Variants in APOL5 observed in about 807,000 individuals in gnomAD.
APOL5 encodes the protein apolipoprotein L, 5.
A neutral mutation model predicts 35.5 loss-of-function variants in APOL5; 29 were observed. The ratio of observed to expected loss-of-function variants is 0.82; its 90% CI spans 0.61 to 1.11. The LOEUF (loss-of-function observed/expected upper bound fraction) is 1.11, where lower values mean the gene tolerates loss of function less well. APOL5 is among the 50% of genes most tolerant of loss of function. The pLI, the probability that APOL5 is intolerant of heterozygous loss-of-function variation, is 0.00. For synonymous variants in APOL5, 188 were observed against 200.2 expected (o/e 0.94, Z 0.51); for missense variants, 514 against 530.4 (o/e 0.97, Z 0.30).
chr22:35,714,705 A>G (rs1421580880), upstream of APOL5, among the ~76,000 whole-genome samples: 1 of 152,196 alleles, frequency 6.6e-6, no homozygotes, highest in Non-Finnish European at 1.5e-5. Flanking sequence ...AGGGTGTCCG[A>G]CTGAGAAGAG....
intron 1 of APOL5, 132 bp from the exon 2 acceptor site, chr22:35,720,436 T>G (rs1196226913): frequency 5.9e-6 from 4 of 672,272 alleles, no homozygotes; most frequent in African/African-American, 3.8e-5. Context: ...CATTAAGATT[T>G]TTGTTGTATT....
At chr22:35,717,858 A>C (rs780271766), upstream of APOL5, 1 of 1,554,024 alleles carries the variant, frequency 6.4e-7, no homozygotes, top group East Asian at 2.3e-5. Context: ...CTTAAATTTT[A>C]AAAAATCTAA....
At chr22:35,723,006 T>G (rs1029761707) in intron 2 of APOL5, among the ~76,000 whole-genome samples, 14 of 152,228 alleles carry the variant, frequency 9.2e-5, no homozygotes, top group African/African-American at 3.4e-4. Context: ...AGTCTTTTCT[T>G]AAAAGAGTGA....
the APOL5 span, among the ~76,000 whole-genome samples, chr22:35,711,135 C>T: frequency 1.3e-5 from 2 of 152,286 alleles, no homozygotes; most frequent in Admixed American, 6.5e-5. Flanking sequence ...ACGCCATTGG[C>T]ACTCCAGCCT....
chr22:35,727,164 G>A lies in APOL5; in HGVS notation c.1096G>A (p.Val366Ile). 1 of 1,604,508 alleles carries A rather than the reference G, an allele frequency of 6.2e-7. No homozygotes were observed. The change falls in exon 3 of 5, where the codon GTT becomes ATT. Residue 366 changes from valine (V) to isoleucine (I), a missense_variant. This residue lies in a region of APOL5 where 238 missense variants were observed against 229.1 expected (regional missense o/e 1.04). Coordinates refer to ENST00000249044, the MANE Select transcript of APOL5 (RefSeq NM_030642.1). ...QTCSSSRGRA[V>I]RGSRVVKPEG... ...CTGTTCCAGCTCCCGGGGCAGGGCT[G>A]TTCGAGGATCCCGTGTGGTTAAACC...
chr22:35,712,781 G>A, the APOL5 span, among the ~76,000 whole-genome samples: 1 of 152,164 alleles, frequency 6.6e-6, no homozygotes, highest in Non-Finnish European at 1.5e-5. Context: ...TTATGACCTG[G>A]GCCTTCTACC....
chr22:35,722,939 G>A (rs1020881054), intron 2 of APOL5, among the ~76,000 whole-genome samples: 4 of 152,150 alleles, frequency 2.6e-5, no homozygotes, highest in African/African-American at 9.7e-5. Flanking sequence ...AACTTAGGTT[G>A]GAGAGGGGGC....
At chr22:35,720,278 G>A (rs1926919894) in intron 1 of APOL5, among the ~76,000 whole-genome samples, 1 of 152,214 alleles carries the variant, frequency 6.6e-6, no homozygotes, top group Admixed American at 6.5e-5. Context: ...AACGTATAAC[G>A]TCAACATTTC....
chr22:35,727,216 C>A (rs1270796134), intron 3 of APOL5, 22 bp downstream of exon 3: 3 of 1,579,308 alleles, frequency 1.9e-6, no homozygotes, highest in African/African-American at 2.7e-5. Flanking sequence ...GCGAATAACA[C>A]GGACGTGGTC....
At chr22:35,719,357 G>A (rs770240768) in intron 1 of APOL5, among the ~76,000 whole-genome samples, 1 of 152,170 alleles carries the variant, frequency 6.6e-6, no homozygotes, top group African/African-American at 2.4e-5. Context: ...TTGCCTGCCT[G>A]GGTAAAACCA....
chr22:35,721,938 A>T (rs5999978), intron 2 of APOL5, among the ~76,000 whole-genome samples: 49,770 of 152,036 alleles, frequency 0.33, 9,177 homozygotes, highest in African/African-American at 0.5. Flanking sequence ...TAAAGATAAA[A>T]TCTTCATGCG....
At chr22:35,709,335 A>G in the APOL5 span, among the ~76,000 whole-genome samples, 1 of 151,982 alleles carries the variant, frequency 6.6e-6, no homozygotes, top group East Asian at 1.9e-4. Context: ...ATGCCAAAAA[A>G]ATCATACTAA....
At chr22:35,719,659 C>A (rs1926888284) in intron 1 of APOL5, among the ~76,000 whole-genome samples, 2 of 152,228 alleles carry the variant, frequency 1.3e-5, no homozygotes, top group Admixed American at 1.3e-4. Context: ...CCCTGCGGCT[C>A]AAACCCCTAG....
In APOL5 at chr22:35,728,858, C is replaced by A. The variant is rs760656500; in HGVS notation, c.1262C>A (p.Ala421Glu). The A allele has an allele frequency of 2.5e-6, 4 of 1,609,990 alleles. No individual in the cohort carries two copies. The highest frequency in any genetic ancestry group is 2.2e-5 in the South Asian group (2 of 90,186). Reference sequence around the variant, plus strand: ...CACCAGCCAGCCCCACCAGCACCAGCAAGAAAGGGGAGACAGGCCCCGGGA... The same window carrying A: ...CACCAGCCAGCCCCACCAGCACCAGAAAGAAAGGGGAGACAGGCCCCGGGA... ...LGHQPAPPAP[A>E]RKGRQAPGRH... The change falls in exon 4 of 5, where the codon GCA becomes GAA. Residue 421 changes from alanine (A) to glutamate (E), a missense_variant. Coordinates refer to ENST00000249044, the MANE Select transcript of APOL5 (RefSeq NM_030642.1).
intron 2 of APOL5, among the ~76,000 whole-genome samples, chr22:35,725,131 G>A (rs1472582272): frequency 6.6e-6 from 1 of 152,178 alleles, no homozygotes; most frequent in Non-Finnish European, 1.5e-5. Flanking sequence ...TGCCCAGATA[G>A]AGTTGATTTA....
rs1209371673 is a variant in APOL5, at chr22:35,727,195, G to A, written c.1126+1G>A. On this transcript the variant is annotated splice_donor_variant, in intron 3 of 4. Transcript: ENST00000249044. LOFTEE classifies it high-confidence loss of function. ...GGATCCCGTGTGGTTAAACCAGAAG[G>A]TAGGAAGGCAGCGAATAACACGGAC... 6.3e-7 allele frequency: 1 copy of A among 1,594,122 alleles called. No homozygotes were observed. Among genetic ancestry groups the A allele is most frequent in the Non-Finnish European group, 8.5e-7 (1 of 1,175,748 alleles).
At chr22:35,726,179 T>A (rs1219729626) in intron 2 of APOL5, 32 bp from the exon 3 acceptor site, 4 of 1,590,274 alleles carry the variant, frequency 2.5e-6, no homozygotes, top group Non-Finnish European at 3.4e-6. Flanking sequence ...CCTGCACACA[T>A]TTTAGTGCTC....
At chr22:35,720,483 C>T (rs969132585) in intron 1 of APOL5, 85 bp from the exon 2 acceptor site, 2 of 1,137,120 alleles carry the variant, frequency 1.8e-6, no homozygotes, top group Admixed American at 2.0e-5. Flanking sequence ...TGTAATTAGA[C>T]AGCCAACTTT....
Position 35,726,818 on chromosome 22 carries a change from A to G in APOL5, c.750A>G (p.Lys250=). Residue 250 remains lysine (K), a synonymous_variant, in exon 3 of 5, where the codon AAA becomes AAG. Coordinates refer to ENST00000249044, the MANE Select transcript of APOL5 (RefSeq NM_030642.1). The part of the protein sequence containing the change: ...IKDLHAYQMA[K]SNSGFMAMVK... ...ATCTTCATGCCTACCAGATGGCCAA[A>G]TCCAACTCTGGCTTCATGGCTATGG... is the stretch of plus-strand genomic sequence containing the variant. The G allele has an allele frequency of 6.2e-7, 1 of 1,614,188 alleles. No individual in the cohort carries two copies. Among genetic ancestry groups the G allele is most frequent in the South Asian group, 1.1e-5 (1 of 91,076 alleles).
Sources: gnomAD v4.1 joint callset for allele counts (sites outside exome capture counted in the v4.1 genomes callset) on GRCh38, gnomAD v4.1.1 for gene constraint, gnomAD v4.1.1 regional missense constraint, MANE v1.5 for transcripts, NCBI Gene and HGNC (gene_info 2026-07-23, HGNC 2026-07-21) for gene names.